Variants in DENND2A observed in about 807,000 individuals in gnomAD.
The protein encoded by DENND2A is DENN domain-containing protein 2A.
DENND2A carries 53 observed loss-of-function variants against 105.3 expected under a neutral mutation model. The observed-to-expected ratio is 0.50, with a 90% CI of 0.40 to 0.63. The LOEUF is 0.63. Ranked by LOEUF, DENND2A falls within the 30% of genes least tolerant of loss-of-function variation. DENND2A has a pLI of 0.00. For missense variants in DENND2A, 1,138 were observed against 1,279.6 expected (o/e 0.89, Z 1.69); for synonymous variants, 522 against 508.4 (o/e 1.03, Z -0.36).
At chr7:140,533,455 G>A (rs1478054089) in intron 14 of DENND2A, among the ~76,000 whole-genome samples, 1 of 152,208 alleles carries the variant, frequency 6.6e-6, no homozygotes, top group Non-Finnish European at 1.5e-5. Flanking sequence ...GGCCCCCAGG[G>A]CCTGGGACAC....
chr7:140,614,653 G>A (rs958353772), intron 1 of DENND2A, among the ~76,000 whole-genome samples: 1 of 152,174 alleles, frequency 6.6e-6, no homozygotes, highest in Non-Finnish European at 1.5e-5. Context: ...GCAAAAAATA[G>A]AGAAGAAACC....
At chr7:140,590,877 G>GAATAGTAATAATAATAATAATAAT (rs1798986694) in intron 3 of DENND2A, among the ~76,000 whole-genome samples, 1 of 140,966 alleles carries the variant, frequency 7.1e-6, no homozygotes, top group African/African-American at 2.9e-5. Context: ...TGTTTCTGGG[G>GAATAGTAATAATAATAATAATAAT]AATAATAATA....
chr7:140,559,748 G>A lies in DENND2A; in HGVS notation c.1849C>T (p.Pro617Ser). 1 of 1,614,178 alleles carries A rather than the reference G, an allele frequency of 6.2e-7. No homozygotes were observed. The highest frequency in any genetic ancestry group is 8.5e-7 in the Non-Finnish European group (1 of 1,180,022). The change falls in exon 10 of 20, where the codon CCC becomes TCC. Residue 617 changes from proline (P) to serine (S), a missense_variant. Physicochemically the swap from Pro to Ser is moderately conservative, Grantham distance 74. Around this residue, in one of 2 missense-constraint regions of DENND2A, gnomAD observed 627 missense variants for 779.8 expected, o/e 0.80. Coordinates refer to ENST00000496613, the MANE Select transcript of DENND2A (RefSeq NM_015689.5). The surrounding 1 kb of genome is among the most constrained non-coding windows in gnomAD (Gnocchi z 4.1). ...QLKAIPQFCF[P>S]DAKDWVPVQQ... ...ACAGGAACCCAATCCTTGGCATCGGGAAAACAGAACTGGGGAATGGCCTTC... is the reference window on the plus strand; with the variant it reads ...ACAGGAACCCAATCCTTGGCATCGGAAAAACAGAACTGGGGAATGGCCTTC...
intron 5 of DENND2A, 133 bp downstream of exon 5, chr7:140,585,456 G>A (rs1452733334): frequency 1.7e-5 from 22 of 1,257,672 alleles, no homozygotes; most frequent in Middle Eastern, 2.8e-4. Flanking sequence ...GTCAGCCAGC[G>A]TTGTACAAAT....
chr7:140,587,644 G>T lies in DENND2A; in HGVS notation c.1123+9C>A. The T allele has an allele frequency of 9.9e-6, 16 of 1,613,330 alleles. No individual in the cohort carries two copies. The highest frequency in any genetic ancestry group is 1.4e-5 in the Non-Finnish European group (16 of 1,179,908). On this transcript the variant is annotated intron_variant, in intron 4 of 19. Coordinates refer to ENST00000496613, the MANE Select transcript of DENND2A (RefSeq NM_015689.5). ...CTCAGATCCGCACACAGACGCTGTG[G>T]CTTCTTACCTAGAATGTCTTCATAG...
chr7:140,532,307 T>G (rs540498445), intron 14 of DENND2A, among the ~76,000 whole-genome samples: 1 of 152,108 alleles, frequency 6.6e-6, no homozygotes, highest in Non-Finnish European at 1.5e-5. Flanking sequence ...AATCCCTGCA[T>G]GAAGGTATTT....
rs552701149 is a variant in DENND2A at position 140,527,755 on chromosome 7, C to T, written c.2328-260G>A. 2.6e-5 allele frequency among the ~76,000 whole-genome samples: 4 copies of T among 152,310 alleles called. No individual in the cohort carries two copies. The East Asian group carries it at 5.8e-4, about 22-fold the overall frequency. On this transcript the variant is annotated intron_variant, in intron 14 of 19. Coordinates refer to ENST00000496613, the MANE Select transcript of DENND2A (RefSeq NM_015689.5). This position sits in a 1 kb window ranked among gnomAD's most constrained non-coding sequence, Gnocchi z 4.9. ...AGTGCGTTTCCACATGTGAGCTGCACGCCCTGCACTCTCCCGCCCTGACCT... is the reference window on the plus strand; with the variant it reads ...AGTGCGTTTCCACATGTGAGCTGCATGCCCTGCACTCTCCCGCCCTGACCT...
At chr7:140,575,632 G>T (rs543719503) in intron 5 of DENND2A, among the ~76,000 whole-genome samples, 2 of 152,196 alleles carry the variant, frequency 1.3e-5, no homozygotes, top group South Asian at 4.2e-4. Context: ...AACAAATTAT[G>T]ATATACCCAC....
At chr7:140,632,262 A>T (rs269260) in intron 1 of DENND2A, among the ~76,000 whole-genome samples, 16,524 of 151,982 alleles carry the variant, frequency 0.11, 2,965 homozygotes, top group African/African-American at 0.37. Flanking sequence ...GTAGAATCTG[A>T]CTCCTCTGAT....
At chr7:140,591,121 A>T (rs1454715614) in intron 3 of DENND2A, among the ~76,000 whole-genome samples, 1 of 151,830 alleles carries the variant, frequency 6.6e-6, no homozygotes, top group Non-Finnish European at 1.5e-5. Flanking sequence ...ACAGAGCAAG[A>T]CCCTGTCTCT....
intron 1 of DENND2A, among the ~76,000 whole-genome samples, chr7:140,616,049 T>C (rs1449551518): frequency 6.6e-6 from 1 of 152,112 alleles, no homozygotes; most frequent in African/African-American, 2.4e-5. Flanking sequence ...CATTGTGTAA[T>C]TCAATTCTCA....
intron 15 of DENND2A, among the ~76,000 whole-genome samples, chr7:140,526,750 G>A (rs111297382): frequency 0.011 from 1,679 of 152,286 alleles, 36 homozygotes; most frequent in African/African-American, 0.036. Flanking sequence ...AGGGACAGGC[G>A]TTCCTCCTGG....
intron 9 of DENND2A, among the ~76,000 whole-genome samples, chr7:140,564,466 A>C (rs1797756241): frequency 6.6e-6 from 1 of 152,194 alleles, no homozygotes; most frequent in Non-Finnish European, 1.5e-5. Flanking sequence ...TGAGAGGTTT[A>C]CAAAAGAGTA....
At chr7:140,558,950 G>A (rs1585630251) in intron 10 of DENND2A, among the ~76,000 whole-genome samples, 1 of 151,924 alleles carries the variant, frequency 6.6e-6, no homozygotes, top group East Asian at 2.0e-4. Flanking sequence ...CTAGCTAAGG[G>A]CTCTCCCATC....
intron 2 of DENND2A, 78 bp from the exon 3 acceptor site, chr7:140,602,620 T>C (rs1164315286): frequency 4.9e-6 from 2 of 409,562 alleles, no homozygotes; most frequent in Non-Finnish European, 8.5e-6. Flanking sequence ...AGAACTTAGA[T>C]ATAAATGTTA....
chr7:140,582,163 C>A (rs1381909703), intron 5 of DENND2A, among the ~76,000 whole-genome samples: 2 of 152,116 alleles, frequency 1.3e-5, no homozygotes, highest in Admixed American at 6.6e-5. Context: ...TGGGGTTTCA[C>A]CATGTTGGCC....
At chr7:140,627,705 G>A (rs1800586756) in intron 1 of DENND2A, among the ~76,000 whole-genome samples, 2 of 151,028 alleles carry the variant, frequency 1.3e-5, no homozygotes, top group Non-Finnish European at 2.9e-5. Flanking sequence ...TTTTTGTAGA[G>A]ACATAGAAAC....
chr7:140,622,869 G>A (rs916533485), intron 1 of DENND2A, among the ~76,000 whole-genome samples: 2 of 152,044 alleles, frequency 1.3e-5, no homozygotes, highest in Admixed American at 6.6e-5. Context: ...ATCATGCCAG[G>A]CCCCTATGAT....
intron 11 of DENND2A, among the ~76,000 whole-genome samples, chr7:140,557,531 A>ATATATATATATATATATATGT (rs1554467351): frequency 1.0e-4 from 4 of 39,650 alleles, no homozygotes; most frequent in Non-Finnish European, 1.0e-4. Context: ...ATATATATAT[A>ATATATATATATATATATATGT]TTTTTTTTTT....
Sources: allele counts gnomAD v4.1 joint callset (sites outside exome capture counted in the v4.1 genomes callset), GRCh38; gene constraint gnomAD v4.1.1; regional missense constraint gnomAD v4.1.1; non-coding constraint Gnocchi (gnomAD v3.1); transcripts MANE v1.5; gene names NCBI Gene and HGNC (gene_info 2026-07-23, HGNC 2026-07-21).